The following CHD6 variants were observed in gnomAD, a reference collection of about 807,000 sequenced individuals.
CHD6 encodes the protein chromodomain helicase DNA binding protein 6.
A neutral mutation model predicts 276.9 loss-of-function variants in CHD6; 50 were observed. The ratio of observed to expected loss-of-function variants is 0.18; its 90% CI spans 0.14 to 0.23. The LOEUF (loss-of-function observed/expected upper bound fraction) is 0.23, where lower values mean the gene tolerates loss of function less well. Ranked by LOEUF, CHD6 falls within the 10% of genes least tolerant of loss-of-function variation. The pLI, the probability that CHD6 is intolerant of heterozygous loss-of-function variation, is 1.00. For missense variants in CHD6, 2,564 were observed against 3,365.8 expected, an observed-to-expected ratio of 0.76 and a Z score of 5.89; for synonymous variants, 1,173 against 1,229.3, an observed-to-expected ratio of 0.95 and a Z score of 0.96.
chr20:41,525,379 G>A (rs943523088), intron 3 of CHD6, among the ~76,000 whole-genome samples: 5 of 152,098 alleles, frequency 3.3e-5, no homozygotes, highest in African/African-American at 9.7e-5. Context: ...AGCCACCTCC[G>A]CTTCTGGCCT....
In CHD6 at chr20:41,404,017, T is replaced by C. The variant is rs1414258103; in HGVS notation, c.*576A>G. ...TACTACCGGTAAGGTTTTTGTTTTT[T>C]ATAAAGAAATGAATATATGTATTTT... is the stretch of plus-strand genomic sequence containing the variant. On this transcript the variant is annotated 3_prime_UTR_variant, in exon 37 of 37. Coordinates refer to ENST00000373233, the MANE Select transcript of CHD6 (RefSeq NM_032221.5). The C allele has an allele frequency of 1.9e-6, 2 of 1,050,642 alleles. No homozygotes were observed. The highest frequency in any genetic ancestry group is 1.7e-5 in the African/African-American group (1 of 60,338). The allele number at this position is 1,050,642 out of a possible 1,614,324, so 65.1% of individuals were successfully genotyped here. A position where few individuals can be genotyped will look rare whatever the true frequency, so the allele number is the denominator to read the frequency against.
chr20:41,575,314 C>A lies in CHD6; in HGVS notation c.-23-23954G>T, dbSNP rs539104807. 6.1e-4 allele frequency among the ~76,000 whole-genome samples: 93 copies of A among 152,280 alleles called. 1 individual carries two copies. Among genetic ancestry groups the A allele is most frequent in the Middle Eastern group, 3.4e-3 (1 of 294 alleles). ...TGTTCAATTCTTTCCTTGCTTTGTA[C>A]ATTTTGTTCAATTCTTTGTTCAAAA... On this transcript the variant is annotated intron_variant, in intron 1 of 36. Coordinates refer to ENST00000373233, the MANE Select transcript of CHD6 (RefSeq NM_032221.5).
intron 3 of CHD6, among the ~76,000 whole-genome samples, chr20:41,518,910 C>T (rs2044316438): frequency 6.6e-6 from 1 of 152,188 alleles, no homozygotes; most frequent in Admixed American, 6.5e-5. Context: ...GAAGACATTT[C>T]AATCTCCAAA....
intron 3 of CHD6, among the ~76,000 whole-genome samples, chr20:41,527,103 C>A (rs902556494): frequency 3.9e-5 from 6 of 152,180 alleles, no homozygotes; most frequent in African/African-American, 1.2e-4. Flanking sequence ...TCTGCCCTCA[C>A]CAACAACATG....
chr20:41,597,189 A>G (rs1271390500), intron 1 of CHD6, among the ~76,000 whole-genome samples: 1 of 152,220 alleles, frequency 6.6e-6, no homozygotes, highest in African/African-American at 2.4e-5. Flanking sequence ...GCCTTTGAAG[A>G]AGAATAGGGA....
chr20:41,426,949 C>T lies in CHD6; in HGVS notation c.4069-796G>A, dbSNP rs113026751. ...TATATTTTGACTAGCATCTTTTGAC[C>T]TGAATGACAGTACAGAACAACCTCA... On this transcript the variant is annotated intron_variant, in intron 27 of 36. Transcript: ENST00000373233. Among the ~76,000 whole-genome samples the T allele has an allele frequency of 6.6e-5, 10 of 152,262 alleles. 1 individual carries two copies. The highest frequency in any genetic ancestry group is 2.4e-4 in the African/African-American group (10 of 41,562).
chr20:41,544,276 TCA>T (rs1173439468), intron 2 of CHD6, among the ~76,000 whole-genome samples: 1 of 152,138 alleles, frequency 6.6e-6, no homozygotes, highest in Non-Finnish European at 1.5e-5. Flanking sequence ...AGACGATTCT[TCA>T]CAGTCACATC....
chr20:41,441,624 A>G (rs971278219), intron 25 of CHD6, among the ~76,000 whole-genome samples: 3 of 152,198 alleles, frequency 2.0e-5, no homozygotes, highest in Admixed American at 6.5e-5. Flanking sequence ...GCAAGCTTCT[A>G]TTCTGTAGAC....
intron 1 of CHD6, among the ~76,000 whole-genome samples, chr20:41,606,639 C>T (rs558553971): frequency 1.7e-4 from 26 of 150,624 alleles, no homozygotes; most frequent in Non-Finnish European, 3.7e-4. Flanking sequence ...CGCACCACTG[C>T]ACTTCAGCCT....
intron 1 of CHD6, among the ~76,000 whole-genome samples, chr20:41,553,361 G>C (rs540191566): frequency 6.6e-6 from 1 of 152,280 alleles, no homozygotes; most frequent in African/African-American, 2.4e-5. Flanking sequence ...CCTTGGTTTG[G>C]GCTAATAACT....
chr20:41,551,753 C>T (rs924032100), intron 1 of CHD6, among the ~76,000 whole-genome samples: 4 of 151,948 alleles, frequency 2.6e-5, no homozygotes, highest in African/African-American at 9.7e-5. Flanking sequence ...ATGATGTCTA[C>T]AATGGAAAAA....
chr20:41,437,712 A>G (rs79322537), intron 26 of CHD6, among the ~76,000 whole-genome samples: 3,369 of 152,320 alleles, frequency 0.022, 45 homozygotes, highest in South Asian at 0.04. Context: ...AGGGATACCA[A>G]TATCGGCAGA....
chr20:41,525,817 C>T (rs752649906), intron 3 of CHD6, among the ~76,000 whole-genome samples: 1 of 152,162 alleles, frequency 6.6e-6, no homozygotes, highest in Non-Finnish European at 1.5e-5. Context: ...CCTTCTAAAT[C>T]CTTTCAGCTA....
chr20:41,533,298 T>C lies in CHD6; in HGVS notation c.306A>G (p.Gly102=). ...VKKKRKKKEP[G]DQEGAAKGSK... The stretch of plus-strand genomic sequence containing the variant: ...TTCCCTTTGCTGCACCCTCTTGGTC[T>C]CCTGGCTCCTTTTTCTTCCGTTTCT... Residue 102 remains glycine (G), a synonymous_variant, in exon 3 of 37, where the codon GGA becomes GGG. Coordinates refer to ENST00000373233, the MANE Select transcript of CHD6 (RefSeq NM_032221.5). 1 of 1,614,150 alleles carries C rather than the reference T, an allele frequency of 6.2e-7. No homozygotes were observed. The highest frequency in any genetic ancestry group is 8.5e-7 in the Non-Finnish European group (1 of 1,180,024).
chr20:41,450,043 T>G (rs1238258004), intron 23 of CHD6, among the ~76,000 whole-genome samples: 2 of 152,188 alleles, frequency 1.3e-5, no homozygotes, highest in African/African-American at 2.4e-5. Context: ...TTAGTTTTTA[T>G]TACAGTATTG....
In CHD6 at chr20:41,483,533, G is replaced by A; in HGVS notation, c.2258-14C>T. On this transcript the variant is annotated splice_polypyrimidine_tract_variant and intron_variant, in intron 15 of 36. Transcript: ENST00000373233. ...TCTCCTCTGCTCCTGAAAAGGAATG[G>A]AACAAAACTATTCCTCGGACAGAAT... is the stretch of plus-strand genomic sequence containing the variant. 6.3e-7 allele frequency: 1 copy of A among 1,577,578 alleles called. No individual in the cohort carries two copies. Among genetic ancestry groups the A allele is most frequent in the Non-Finnish European group, 8.7e-7 (1 of 1,152,688 alleles).
chr20:41,539,257 G>C (rs1386927078), intron 2 of CHD6, among the ~76,000 whole-genome samples: 1 of 152,182 alleles, frequency 6.6e-6, no homozygotes, highest in African/African-American at 2.4e-5. Flanking sequence ...TCTAGGATCT[G>C]CAAGTAATAA....
chr20:41,468,853 A>C (rs989497131), intron 17 of CHD6, among the ~76,000 whole-genome samples: 2 of 152,086 alleles, frequency 1.3e-5, no homozygotes, highest in African/African-American at 4.8e-5. Context: ...CTTCTCTACA[A>C]AAATTACAAA....
rs547393365 is a variant in CHD6, at chr20:41,478,913, T to C, written c.2468+4396A>G. Among the ~76,000 whole-genome samples the C allele has an allele frequency of 5.3e-5, 8 of 152,316 alleles. 1 individual carries two copies. The highest frequency in any genetic ancestry group is 1.7e-4 in the African/African-American group (7 of 41,572). ...ACAGATGTCAACGTCAAACCTACAA[T>C]GTTATAATTCAGACAAGAACTTTAA... On this transcript the variant is annotated intron_variant, in intron 16 of 36. Coordinates refer to ENST00000373233, the MANE Select transcript of CHD6 (RefSeq NM_032221.5).
Sources: gnomAD v4.1 joint callset for allele counts (sites outside exome capture counted in the v4.1 genomes callset) on GRCh38, gnomAD v4.1.1 for gene constraint, MANE v1.5 for transcripts, NCBI Gene and HGNC (gene_info 2026-07-23, HGNC 2026-07-21) for gene names.